The following GRXCR2 variants were observed in gnomAD, a reference collection of about 807,000 sequenced individuals.
GRXCR2 encodes glutaredoxin and cysteine rich domain containing 2, also known as glutaredoxin domain-containing cysteine-rich protein 2.
Under a neutral mutation model 24.8 loss-of-function variants are expected in GRXCR2, and 23 were observed. That is an observed-to-expected ratio of 0.93 (90% CI 0.67 to 1.32). GRXCR2 has a LOEUF of 1.32. Ranked by LOEUF, GRXCR2 falls within the 40% of genes most tolerant of loss-of-function variation. The probability of loss-of-function intolerance (pLI) is 0.00; values close to 1 mark genes in which losing one functional copy is unlikely to be tolerated. For missense variants in GRXCR2, 315 were observed against 303.4 expected (o/e 1.04, Z -0.28); for synonymous variants, 130 against 116.1 (o/e 1.12, Z -0.77).
upstream of GRXCR2, among the ~76,000 whole-genome samples, chr5:145,876,206 TATATATATATACACAC>T (rs1351002287): frequency 1.4e-5 from 2 of 141,408 alleles, no homozygotes; most frequent in Non-Finnish European, 3.1e-5. Flanking sequence ...TATATATATA[TATATATATATACACAC>T]ACACACACAT....
intron 2 of GRXCR2, among the ~76,000 whole-genome samples, chr5:145,921,754 A>G (rs1757323571): frequency 6.6e-6 from 1 of 152,236 alleles, no homozygotes. Flanking sequence ...CAATAGCTTA[A>G]TTAACCCACA....
intron 1 of GRXCR2, among the ~76,000 whole-genome samples, chr5:145,872,342 A>G (rs1455050364): frequency 6.6e-6 from 1 of 152,226 alleles, no homozygotes; most frequent in African/African-American, 2.4e-5. Context: ...CTGCACCTCT[A>G]TTTAATTTAC....
intron 2 of GRXCR2, among the ~76,000 whole-genome samples, chr5:145,864,427 T>G (rs1226952033): frequency 6.6e-6 from 1 of 152,074 alleles, no homozygotes; most frequent in Non-Finnish European, 1.5e-5. Flanking sequence ...CACTGAAAGC[T>G]TAGAGGGGGT....
At chr5:145,893,294 A>G (rs1756898295) in intron 2 of GRXCR2, among the ~76,000 whole-genome samples, 1 of 152,210 alleles carries the variant, frequency 6.6e-6, no homozygotes, top group Non-Finnish European at 1.5e-5. Context: ...ATTAATCTTA[A>G]ATGTAAATGG....
upstream of GRXCR2, among the ~76,000 whole-genome samples, chr5:145,874,445 G>T (rs1346449488): frequency 6.6e-6 from 1 of 151,804 alleles, no homozygotes; most frequent in African/African-American, 2.4e-5. Flanking sequence ...CTCGTGATCC[G>T]CCTGCCTTGA....
At chr5:145,865,914 G>C (rs906063619) in intron 2 of GRXCR2, among the ~76,000 whole-genome samples, 2 of 152,006 alleles carry the variant, frequency 1.3e-5, no homozygotes, top group African/African-American at 4.8e-5. Flanking sequence ...GAGGCAGATG[G>C]AACACTTGAA....
intron 1 of GRXCR2, among the ~76,000 whole-genome samples, chr5:145,870,322 A>G (rs76371588): frequency 1.3e-3 from 195 of 152,256 alleles, no homozygotes; most frequent in African/African-American, 4.6e-3. Flanking sequence ...AATAAGTGCA[A>G]TCATACAGTA....
intron 2 of GRXCR2, among the ~76,000 whole-genome samples, chr5:145,902,332 G>T (rs1024856878): frequency 6.6e-6 from 1 of 151,994 alleles, no homozygotes; most frequent in Admixed American, 6.6e-5. Context: ...CAAACTCCTG[G>T]CCTCAAGTGA....
chr5:145,861,086 A>T (rs956452828), intron 2 of GRXCR2, among the ~76,000 whole-genome samples: 1 of 151,728 alleles, frequency 6.6e-6, no homozygotes, highest in Non-Finnish European at 1.5e-5. Context: ...AGTCCTGGCC[A>T]TTTCAGCTTC....
chr5:145,911,213 G>A (rs968932210), intron 2 of GRXCR2, among the ~76,000 whole-genome samples: 5 of 152,076 alleles, frequency 3.3e-5, no homozygotes, highest in African/African-American at 1.2e-4. Context: ...GAACTAGTTT[G>A]GTCAAACTCT....
At chr5:145,878,707 A>G (rs1158929039) in intron 2 of GRXCR2, among the ~76,000 whole-genome samples, 3 of 152,190 alleles carry the variant, frequency 2.0e-5, no homozygotes, top group Non-Finnish European at 4.4e-5. Flanking sequence ...TAACACAAAG[A>G]TACTCCTCGA....
intron 2 of GRXCR2, among the ~76,000 whole-genome samples, chr5:145,930,317 T>C (rs1439416548): frequency 6.6e-6 from 1 of 152,142 alleles, no homozygotes; most frequent in Non-Finnish European, 1.5e-5. Flanking sequence ...ACTCCCGGCC[T>C]CAAGTGATTC....
At chr5:145,927,728 A>T (rs923961920) in intron 2 of GRXCR2, among the ~76,000 whole-genome samples, 2 of 152,120 alleles carry the variant, frequency 1.3e-5, no homozygotes, top group African/African-American at 2.4e-5. Context: ...TGGTATCAGG[A>T]TGATGCTGGC....
intron 2 of GRXCR2, among the ~76,000 whole-genome samples, chr5:145,918,432 C>T (rs933156357): frequency 2.6e-5 from 4 of 152,136 alleles, no homozygotes; most frequent in African/African-American, 4.8e-5. Context: ...GTAACTTAGA[C>T]GTAAGTTACT....
chr5:145,903,707 A>T (rs1757055459), intron 2 of GRXCR2, among the ~76,000 whole-genome samples: 1 of 152,162 alleles, frequency 6.6e-6, no homozygotes, highest in African/African-American at 2.4e-5. Flanking sequence ...TGTGGAGGTT[A>T]TGGGAAGGAA....
intron 1 of GRXCR2, among the ~76,000 whole-genome samples, chr5:145,868,594 G>A (rs867742931): frequency 6.6e-5 from 10 of 152,060 alleles, no homozygotes; most frequent in African/African-American, 1.2e-4. Flanking sequence ...GGTACTTTTC[G>A]AAGGTTCCAT....
chr5:145,922,785 G>A (rs1337208978), intron 2 of GRXCR2, among the ~76,000 whole-genome samples: 1 of 152,162 alleles, frequency 6.6e-6, no homozygotes, highest in African/African-American at 2.4e-5. Flanking sequence ...GTCTAGCTGA[G>A]CCCAGAAGAC....
intron 2 of GRXCR2, among the ~76,000 whole-genome samples, chr5:145,888,667 C>T (rs1756811546): frequency 6.6e-6 from 1 of 152,068 alleles, no homozygotes; most frequent in South Asian, 2.1e-4. Context: ...ACAAAAAAGT[C>T]TTCATTTTTC....
intron 2 of GRXCR2, among the ~76,000 whole-genome samples, chr5:145,922,412 C>T (rs1757334917): frequency 6.6e-6 from 1 of 152,268 alleles, no homozygotes; most frequent in East Asian, 1.9e-4. Context: ...TCCAAGGCAC[C>T]ATGTGCTGAC....
Sources: allele counts gnomAD v4.1 joint callset (sites outside exome capture counted in the v4.1 genomes callset), GRCh38; gene constraint gnomAD v4.1.1; transcripts MANE v1.5; gene names NCBI Gene and HGNC (gene_info 2026-07-23, HGNC 2026-07-21).